The following MEI4 variants were observed in gnomAD, a reference collection of about 807,000 sequenced individuals.
The protein encoded by MEI4 is meiosis-specific protein MEI4.
A neutral mutation model predicts 31.4 loss-of-function variants in MEI4; 27 were observed. The observed-to-expected ratio is 0.86, with a 90% CI of 0.63 to 1.19. MEI4 has a LOEUF of 1.19. Ranked by LOEUF, MEI4 falls within the 50% of genes most tolerant of loss-of-function variation. The probability of loss-of-function intolerance (pLI) is 0.00; values close to 1 mark genes in which losing one functional copy is unlikely to be tolerated. For missense variants in MEI4, 329 were observed against 398.9 expected (o/e 0.82, Z 1.49); for synonymous variants, 122 against 145.4 (o/e 0.84, Z 1.16).
At chr6:77,802,624 A>G (rs1769299563) in intron 3 of MEI4, among the ~76,000 whole-genome samples, 1 of 151,980 alleles carries the variant, frequency 6.6e-6, no homozygotes, top group Admixed American at 6.6e-5. Context: ...GTTCCTTTCC[A>G]TGTGTAGTGT....
intron 3 of MEI4, among the ~76,000 whole-genome samples, chr6:77,763,099 G>A (rs1196322328): frequency 6.6e-6 from 1 of 152,062 alleles, no homozygotes; most frequent in Non-Finnish European, 1.5e-5. Flanking sequence ...ATTGGAGGTT[G>A]ATATGACTTA....
At chr6:77,811,652 T>G (rs1291401572) in intron 3 of MEI4, among the ~76,000 whole-genome samples, 6 of 151,760 alleles carry the variant, frequency 4.0e-5, no homozygotes, top group African/African-American at 9.7e-5. Context: ...GTGGACACCT[T>G]TAATCCCAGC....
chr6:77,742,777 C>T (rs1767450555), intron 2 of MEI4, among the ~76,000 whole-genome samples: 2 of 151,776 alleles, frequency 1.3e-5, no homozygotes. Context: ...GTCTTTAAAC[C>T]ATCTTGAATT....
At chr6:77,883,735 T>TACATATACATATATATATATAC (rs1562025143) in intron 4 of MEI4, among the ~76,000 whole-genome samples, 6 of 116,740 alleles carry the variant, frequency 5.1e-5, no homozygotes, top group Admixed American at 8.9e-5. Flanking sequence ...TATATATATA[T>TACATATACATATATATATATAC]ATATATATAA....
intron 4 of MEI4, among the ~76,000 whole-genome samples, chr6:77,893,357 G>A (rs1447605671): frequency 1.3e-5 from 2 of 152,200 alleles, no homozygotes; most frequent in East Asian, 3.8e-4. Context: ...TTCCCAGAAT[G>A]TATTTAGTTG....
rs1769143974 is a variant in MEI4, at chr6:77,690,817, C to G, written c.146C>G (p.Ser49Ter). Residue 49 changes from serine to a stop codon, truncating the protein, a stop_gained, in exon 2 of 5, where the codon TCA becomes TGA. Coordinates refer to ENST00000684080, the MANE Select transcript of MEI4 (RefSeq NM_001322247.2). LOFTEE classifies it high-confidence loss of function. Reference protein sequence around the residue: ...LLSEEQSKWRSKVEILEAEVM... With the variant: ...LLSEEQSKWR The stretch of plus-strand genomic sequence containing the variant: ...TCTGAGGAGCAGTCAAAATGGAGAT[C>G]AAAAGTTGAAATCTTGGAAGCTGAA... 3 of 1,231,452 alleles carry G rather than the reference C, an allele frequency of 2.4e-6. No homozygotes were observed. The highest frequency in any genetic ancestry group is 2.0e-6 in the Non-Finnish European group (2 of 987,472). The allele number at this position is 1,231,452 out of a possible 1,614,324, so 76.3% of individuals were successfully genotyped here. A position where few individuals can be genotyped will look rare whatever the true frequency, so the allele number is the denominator to read the frequency against.
chr6:77,894,525 A>C (rs1317585988), intron 4 of MEI4, among the ~76,000 whole-genome samples: 1 of 152,182 alleles, frequency 6.6e-6, no homozygotes, highest in Admixed American at 6.6e-5. Context: ...GATTGTATCG[A>C]ATTAGTGATG....
chr6:77,659,908 G>A (rs943372516), intron 1 of MEI4, among the ~76,000 whole-genome samples: 1 of 152,204 alleles, frequency 6.6e-6, no homozygotes, highest in Non-Finnish European at 1.5e-5. Flanking sequence ...AGTAGTTTGT[G>A]TTGTGAGAGG....
intron 2 of MEI4, among the ~76,000 whole-genome samples, chr6:77,714,011 T>C (rs1438042031): frequency 2.0e-5 from 3 of 152,186 alleles, no homozygotes; most frequent in Non-Finnish European, 2.9e-5. Context: ...CTGTGTTAGT[T>C]TGCTAAGGAT....
chr6:77,888,782 T>A (rs1771685612), intron 4 of MEI4, among the ~76,000 whole-genome samples: 1 of 152,142 alleles, frequency 6.6e-6, no homozygotes, highest in African/African-American at 2.4e-5. Flanking sequence ...TCATCTTGAA[T>A]TGTAGTTCCC....
chr6:77,880,930 T>A (rs1258660089), intron 4 of MEI4, among the ~76,000 whole-genome samples: 1 of 152,096 alleles, frequency 6.6e-6, no homozygotes, highest in African/African-American at 2.4e-5. Flanking sequence ...TCAGATATAT[T>A]TTATATGGTT....
intron 2 of MEI4, among the ~76,000 whole-genome samples, chr6:77,743,650 A>C (rs541983055): frequency 6.6e-6 from 1 of 152,258 alleles, no homozygotes; most frequent in East Asian, 1.9e-4. Flanking sequence ...ATCTGAGAAC[A>C]GGCAGACTGC....
intron 2 of MEI4, among the ~76,000 whole-genome samples, chr6:77,726,415 A>G (rs893049677): frequency 1.3e-5 from 2 of 152,188 alleles, no homozygotes; most frequent in African/African-American, 4.8e-5. Context: ...AGTGAGTGTC[A>G]TAGAATATTA....
intron 2 of MEI4, among the ~76,000 whole-genome samples, chr6:77,697,144 G>C (rs1766070003): frequency 6.6e-6 from 1 of 152,076 alleles, no homozygotes. Context: ...GTGTCTATTT[G>C]ATTCTTCTCT....
At position 77,734,100 on chromosome 6, in the gene MEI4, T is replaced by C; in HGVS notation, c.233-27030T>C. Among the ~76,000 whole-genome samples, 4 of 152,064 alleles carry C rather than the reference T, an allele frequency of 2.6e-5. No homozygotes were observed. In the Middle Eastern group the frequency reaches 0.01, roughly 388 times the overall value. The stretch of plus-strand genomic sequence containing the variant: ...GGTGTGGTGCTGAAAAAAATGTATA[T>C]TCTGTTGATTTGGGGTGGAGAGTTC... On this transcript the variant is annotated intron_variant, in intron 2 of 4. Coordinates refer to ENST00000684080, the MANE Select transcript of MEI4 (RefSeq NM_001322247.2).
intron 3 of MEI4, among the ~76,000 whole-genome samples, chr6:77,777,182 C>T (rs1384868574): frequency 6.6e-6 from 1 of 152,052 alleles, no homozygotes; most frequent in Non-Finnish European, 1.5e-5. Flanking sequence ...GAGACTGCAA[C>T]AGTAAAAAAC....
chr6:77,711,336 A>G (rs531489312), intron 2 of MEI4, among the ~76,000 whole-genome samples: 5 of 152,166 alleles, frequency 3.3e-5, no homozygotes, highest in Non-Finnish European at 7.3e-5. Flanking sequence ...GTATATATGT[A>G]TATATATGTG....
chr6:77,885,778 A>G (rs984003083), intron 4 of MEI4, among the ~76,000 whole-genome samples: 1 of 152,152 alleles, frequency 6.6e-6, no homozygotes, highest in African/African-American at 2.4e-5. Flanking sequence ...AGCTTCTCCC[A>G]GTCCAGTATG....
chr6:77,650,704 T>G (rs779421876), upstream of MEI4, among the ~76,000 whole-genome samples: 1 of 152,228 alleles, frequency 6.6e-6, no homozygotes, highest in Non-Finnish European at 1.5e-5. Context: ...CGCAATATTT[T>G]CAGGTGTGTA....
Sources: gnomAD v4.1 joint callset for allele counts (sites outside exome capture counted in the v4.1 genomes callset) on GRCh38, gnomAD v4.1.1 for gene constraint, MANE v1.5 for transcripts, NCBI Gene and HGNC (gene_info 2026-07-23, HGNC 2026-07-21) for gene names.